The following KSR2 variants were observed in gnomAD, a reference collection of about 807,000 sequenced individuals.
KSR2 encodes the protein kinase suppressor of ras 2.
Under a neutral mutation model 107.8 loss-of-function variants are expected in KSR2, and 25 were observed. That is an observed-to-expected ratio of 0.23 (90% CI 0.17 to 0.32). KSR2 has a LOEUF of 0.32. Ranked by LOEUF, KSR2 falls within the 10% of genes least tolerant of loss-of-function variation. The probability of loss-of-function intolerance (pLI) is 1.00; values close to 1 mark genes in which losing one functional copy is unlikely to be tolerated. For missense variants in KSR2, 887 were observed against 1,268.9 expected, an observed-to-expected ratio of 0.70 and a Z score of 4.57; for synonymous variants, 480 against 507.0, an observed-to-expected ratio of 0.95 and a Z score of 0.71.
chr12:117,498,750 T>A (rs1028044424), intron 14 of KSR2, among the ~76,000 whole-genome samples: 1 of 152,138 alleles, frequency 6.6e-6, no homozygotes, highest in Non-Finnish European at 1.5e-5. Flanking sequence ...AGTGAATAAG[T>A]CTCACAAGAT....
intron 4 of KSR2, among the ~76,000 whole-genome samples, chr12:117,718,072 T>C (rs891570098): frequency 1.3e-5 from 2 of 152,070 alleles, no homozygotes; most frequent in Admixed American, 1.3e-4. Flanking sequence ...ACAAATACAT[T>C]TTGTGGGAGA....
intron 1 of KSR2, among the ~76,000 whole-genome samples, chr12:117,936,096 G>A (rs965578933): frequency 3.3e-5 from 5 of 151,846 alleles, no homozygotes; most frequent in African/African-American, 1.2e-4. Flanking sequence ...GAGTACAGTG[G>A]TGTGATCTCA....
chr12:117,656,324 T>C (rs1884153674), intron 5 of KSR2, among the ~76,000 whole-genome samples: 1 of 152,210 alleles, frequency 6.6e-6, no homozygotes, highest in Non-Finnish European at 1.5e-5. Context: ...TGAAGGATAG[T>C]TGTGGCCAGG....
intron 9 of KSR2, among the ~76,000 whole-genome samples, chr12:117,543,780 C>T (rs1359255854): frequency 6.6e-6 from 1 of 152,172 alleles, no homozygotes; most frequent in Admixed American, 6.5e-5. Context: ...GGGCAAAAGT[C>T]CCAAGTCAAA....
At chr12:117,687,228 T>C (rs1160516780) in intron 4 of KSR2, among the ~76,000 whole-genome samples, 6 of 152,208 alleles carry the variant, frequency 3.9e-5, no homozygotes, top group Non-Finnish European at 2.9e-5. Context: ...CCCTTGCTTC[T>C]GTGGGGGCAA....
intron 3 of KSR2, among the ~76,000 whole-genome samples, chr12:117,820,511 T>A (rs543875286): frequency 6.6e-6 from 1 of 152,292 alleles, no homozygotes; most frequent in East Asian, 1.9e-4. Context: ...ATCGGATAAA[T>A]CACTAAATCA....
intron 4 of KSR2, among the ~76,000 whole-genome samples, chr12:117,722,056 C>T (rs1428266096): frequency 6.6e-6 from 1 of 151,914 alleles, no homozygotes; most frequent in Non-Finnish European, 1.5e-5. Context: ...TTTTTTTTAA[C>T]ATTTTTTTAA....
chr12:117,750,005 T>A (rs1437937075), intron 4 of KSR2, among the ~76,000 whole-genome samples: 1 of 152,120 alleles, frequency 6.6e-6, no homozygotes, highest in Admixed American at 6.6e-5. Flanking sequence ...CCTAGCACTC[T>A]GGGAGGCTGA....
At chr12:117,639,667 T>C (rs540276273) in intron 5 of KSR2, among the ~76,000 whole-genome samples, 1 of 119,306 alleles carries the variant, frequency 8.4e-6, no homozygotes, top group South Asian at 2.9e-4. Flanking sequence ...TATATTATTT[T>C]AATATTTTAC....
intron 4 of KSR2, among the ~76,000 whole-genome samples, chr12:117,697,409 C>T (rs897285636): frequency 1.3e-5 from 2 of 152,154 alleles, no homozygotes; most frequent in African/African-American, 4.8e-5. Flanking sequence ...ACGCTATCTG[C>T]TTAGAAATAT....
At chr12:117,819,965 T>C (rs1327341372) in intron 3 of KSR2, among the ~76,000 whole-genome samples, 2 of 152,184 alleles carry the variant, frequency 1.3e-5, no homozygotes, top group Non-Finnish European at 2.9e-5. Context: ...TAAAATGTAA[T>C]CCCTTTACTT....
intron 1 of KSR2, among the ~76,000 whole-genome samples, chr12:117,885,931 TA>T (rs1429538854): frequency 6.6e-6 from 1 of 151,926 alleles, no homozygotes; most frequent in African/African-American, 2.4e-5. Flanking sequence ...CCGTCTCTAC[TA>T]AAAATACCAA....
At chr12:117,716,845 GA>G (rs891288267) in intron 4 of KSR2, among the ~76,000 whole-genome samples, 1 of 152,108 alleles carries the variant, frequency 6.6e-6, no homozygotes, top group East Asian at 1.9e-4. Flanking sequence ...AAGTGCCTGG[GA>G]AAAAAATCTA....
At chr12:117,731,701 T>A (rs658539) in intron 4 of KSR2, among the ~76,000 whole-genome samples, 1 of 151,398 alleles carries the variant, frequency 6.6e-6, no homozygotes, top group African/African-American at 2.4e-5. Context: ...GAAAAATTCT[T>A]CTGCCTTGGG....
In KSR2 at chr12:117,703,109, C is replaced by CAGAG. The variant is rs142282844; in HGVS notation, c.987-35455_987-35452dup. Among the ~76,000 whole-genome samples, 12 of 150,198 alleles carry CAGAG rather than the reference C, an allele frequency of 8.0e-5. 1 individual carries two copies. The East Asian group carries it at 9.7e-4, about 12-fold the overall frequency. The stretch of plus-strand genomic sequence containing the variant: ...AAGAAAGCCAGGATCAAACCAGGGT[C>CAGAG]AGAGAGAGAGAGAGAGAGACAAAGA... On this transcript the variant is annotated intron_variant, in intron 4 of 19. Coordinates refer to ENST00000339824, the MANE Select transcript of KSR2 (RefSeq NM_173598.6).
At chr12:117,843,224 G>A (rs1477807433) in intron 3 of KSR2, among the ~76,000 whole-genome samples, 1 of 152,218 alleles carries the variant, frequency 6.6e-6, no homozygotes, top group Admixed American at 6.5e-5. Context: ...GGATGAAGGA[G>A]GGAGAGAGGA....
At chr12:117,473,673 A>G (rs1270308148) in intron 17 of KSR2, among the ~76,000 whole-genome samples, 1 of 152,178 alleles carries the variant, frequency 6.6e-6, no homozygotes, top group East Asian at 1.9e-4. Flanking sequence ...TACCTTACAA[A>G]TGTTTTCTCA....
intron 15 of KSR2, among the ~76,000 whole-genome samples, 160 bp downstream of exon 15, chr12:117,485,435 A>G (rs1456307233): frequency 2.0e-5 from 3 of 152,138 alleles, no homozygotes; most frequent in Non-Finnish European, 4.4e-5. Flanking sequence ...TTACTTATAC[A>G]TGGCCTGGCA....
intron 4 of KSR2, among the ~76,000 whole-genome samples, chr12:117,727,257 C>T (rs531394801): frequency 2.0e-5 from 3 of 151,606 alleles, no homozygotes; most frequent in South Asian, 2.1e-4. Flanking sequence ...CACCTGTAGT[C>T]CCAGATACTC....
Sources: gnomAD v4.1 joint callset for allele counts (sites outside exome capture counted in the v4.1 genomes callset) on GRCh38, gnomAD v4.1.1 for gene constraint, MANE v1.5 for transcripts, NCBI Gene and HGNC (gene_info 2026-07-23, HGNC 2026-07-21) for gene names.